SCTR: variants seen among roughly 807,000 people sequenced by gnomAD.
The protein encoded by SCTR is pancreatic secretin receptor.
A neutral mutation model predicts 60.8 loss-of-function variants in SCTR; 56 were observed. The ratio of observed to expected loss-of-function variants is 0.92; its 90% confidence interval spans 0.74 to 1.15. SCTR has a LOEUF of 1.15. Ranked by LOEUF, SCTR falls within the 50% of genes most tolerant of loss-of-function variation. The pLI, the probability that SCTR is intolerant of heterozygous loss-of-function variation, is 0.00. For synonymous variants in SCTR, 202 were observed against 217.0 expected (o/e 0.93, Z 0.61); for missense variants, 562 against 550.4 (o/e 1.02, Z -0.21).
chr2:119,461,980 C>A lies in SCTR; in HGVS notation c.657G>T (p.Met219Ile), dbSNP rs199636057. Reference sequence around the variant, plus strand: ...CCATGATGCAGTACTGGAACAGCACCATGACCAGCTTGCAGCCCGCCTGGA... The same window carrying A: ...CCATGATGCAGTACTGGAACAGCACAATGACCAGCTTGCAGCCCGCCTGGA... ...DAHRAGCKLV[M>I]VLFQYCIMAN... Residue 219 changes from methionine (M) to isoleucine (I), a missense_variant, in exon 7 of 13, where the codon ATG (methionine) becomes ATT (isoleucine). By Grantham distance (10) the Met-to-Ile change is conservative. Transcript: ENST00000019103. 2.1e-5 allele frequency: 34 copies of A among 1,606,596 alleles called. No individual in the cohort carries two copies. Among genetic ancestry groups the A allele is most frequent in the Middle Eastern group, 1.7e-4 (1 of 6,058 alleles).
chr2:119,454,181 T>C (rs940480321), intron 7 of SCTR, among the ~76,000 whole-genome samples: 1 of 152,080 alleles, frequency 6.6e-6, no homozygotes, highest in Non-Finnish European at 1.5e-5. Flanking sequence ...GCAATGCCGC[T>C]GGGGAAGTGC....
intron 2 of SCTR, among the ~76,000 whole-genome samples, chr2:119,482,827 T>C (rs1573877737): frequency 6.6e-6 from 1 of 152,250 alleles, no homozygotes. Context: ...TGACCTAGCC[T>C]GGCACCTGGA....
At chr2:119,495,836 C>T (rs757772272) in intron 1 of SCTR, among the ~76,000 whole-genome samples, 18 of 152,264 alleles carry the variant, frequency 1.2e-4, no homozygotes, top group Non-Finnish European at 2.4e-4. Flanking sequence ...CAGTCATGGC[C>T]GGCTGTTGCA....
At chr2:119,449,200 T>A (rs1233673957) in intron 9 of SCTR, among the ~76,000 whole-genome samples, 1 of 152,180 alleles carries the variant, frequency 6.6e-6, no homozygotes, top group African/African-American at 2.4e-5. Context: ...AGGGTACCCA[T>A]TGCTGGGCTC....
At chr2:119,491,819 C>T (rs1195747357) in intron 2 of SCTR, among the ~76,000 whole-genome samples, 3 of 152,172 alleles carry the variant, frequency 2.0e-5, no homozygotes, top group African/African-American at 4.8e-5. Context: ...CAATCAATTT[C>T]TAATCACTTG....
chr2:119,507,638 C>T (rs1033192188), intron 1 of SCTR, among the ~76,000 whole-genome samples: 2 of 150,606 alleles, frequency 1.3e-5, no homozygotes, highest in Non-Finnish European at 1.5e-5. Context: ...AATGAAAGTC[C>T]GCATTCCATT....
chr2:119,521,430 CA>C lies in SCTR; in HGVS notation c.72+2724del, dbSNP rs145926452. On this transcript the variant is annotated intron_variant, in intron 1 of 12. Coordinates refer to ENST00000019103, the MANE Select transcript of SCTR (RefSeq NM_002980.3). ...GATGAACAAGATGAGTCTCCATGTT[CA>C]AGTTCAAAGTGTGCATATTGGGGTT... 8.5e-3 allele frequency among the ~76,000 whole-genome samples: 1,293 copies of C among 152,194 alleles called. 21 individuals are homozygous for C. The highest frequency in any genetic ancestry group is 0.03 in the African/African-American group (1,237 of 41,496).
At chr2:119,523,451 C>T (rs953375917) in intron 1 of SCTR, among the ~76,000 whole-genome samples, 2 of 149,642 alleles carry the variant, frequency 1.3e-5, no homozygotes, top group African/African-American at 4.9e-5. Context: ...TTTCCTCCTC[C>T]AGCCCCTTGC....
intron 4 of SCTR, among the ~76,000 whole-genome samples, chr2:119,471,606 C>T (rs761809337): frequency 2.4e-4 from 37 of 152,162 alleles, no homozygotes; most frequent in Non-Finnish European, 5.0e-4. Context: ...CAACTTCCTC[C>T]CTTCTCCCTG....
At chr2:119,470,281 AAAG>A (rs1001019881) in intron 4 of SCTR, among the ~76,000 whole-genome samples, 5 of 152,220 alleles carry the variant, frequency 3.3e-5, no homozygotes, top group African/African-American at 9.6e-5. Context: ...CACAAAAAGA[AAAG>A]AAGAAAAAAA....
chr2:119,478,861 A>G lies in SCTR; in HGVS notation c.251T>C (p.Met84Thr), dbSNP rs114065933. Reference sequence around the variant, plus strand: ...GAATCTCGGGCATTCCACCTCCACCATCCGGCCCGGCACAGAAGAGGGCCA... The same window carrying G: ...GAATCTCGGGCATTCCACCTCCACCGTCCGGCCCGGCACAGAAGAGGGCCA... Reference protein sequence around the residue: ...SCWPSSVPGRMVEVECPRFLR... With the variant: ...SCWPSSVPGRTVEVECPRFLR... The change falls in exon 3 of 13, where the codon ATG becomes ACG. Residue 84 changes from methionine to threonine, a missense_variant. Met to Thr is a moderately conservative substitution (Grantham distance 81, BLOSUM62 -1). Coordinates refer to ENST00000019103, the MANE Select transcript of SCTR (RefSeq NM_002980.3). 478 of 1,614,088 alleles carry G rather than the reference A, an allele frequency of 3.0e-4. 2 individuals carry two copies. The African/African-American group carries it at 5.9e-3, about 20-fold the overall frequency.
intron 6 of SCTR, among the ~76,000 whole-genome samples, chr2:119,463,208 A>G (rs1683687794): frequency 6.6e-6 from 1 of 152,130 alleles, no homozygotes; most frequent in Non-Finnish European, 1.5e-5. Flanking sequence ...TGATAGTAAA[A>G]AACTCTATCA....
intron 1 of SCTR, among the ~76,000 whole-genome samples, chr2:119,523,034 G>A (rs888043781): frequency 6.6e-6 from 1 of 152,158 alleles, no homozygotes; most frequent in Non-Finnish European, 1.5e-5. Flanking sequence ...CAACACTCTG[G>A]TCGGCTCCGG....
intron 1 of SCTR, among the ~76,000 whole-genome samples, chr2:119,518,214 C>T (rs908836104): frequency 6.6e-6 from 1 of 152,148 alleles, no homozygotes; most frequent in Non-Finnish European, 1.5e-5. Flanking sequence ...TATGATAACA[C>T]AGCTGACTAA....
At chr2:119,516,956 G>A (rs1029116558) in intron 1 of SCTR, among the ~76,000 whole-genome samples, 15 of 152,170 alleles carry the variant, frequency 9.9e-5, no homozygotes, top group Middle Eastern at 3.4e-3. Context: ...CAAAAAGAGC[G>A]AAATTCTGTC....
At chr2:119,498,528 TG>T (rs984496196) in intron 1 of SCTR, among the ~76,000 whole-genome samples, 1 of 152,122 alleles carries the variant, frequency 6.6e-6, no homozygotes, top group African/African-American at 2.4e-5. Context: ...ATTACAACAC[TG>T]TCTGATTTTA....
At chr2:119,473,425 T>G in intron 4 of SCTR, 28 bp downstream of exon 4, 2 of 1,515,068 alleles carry the variant, frequency 1.3e-6, no homozygotes, top group Non-Finnish European at 9.2e-7. Flanking sequence ...TGTCCCCGGG[T>G]TCGTGGGGTG....
intron 1 of SCTR, among the ~76,000 whole-genome samples, chr2:119,520,457 C>T (rs537396775): frequency 1.3e-5 from 2 of 152,330 alleles, no homozygotes; most frequent in African/African-American, 4.8e-5. Flanking sequence ...CATAATCGCA[C>T]CATTGCACTC....
intron 1 of SCTR, among the ~76,000 whole-genome samples, chr2:119,503,905 A>G (rs1003937043): frequency 1.3e-5 from 2 of 152,146 alleles, no homozygotes; most frequent in Non-Finnish European, 2.9e-5. Flanking sequence ...GGGTATATGG[A>G]AACTCTTTGT....
Sources: allele counts gnomAD v4.1 joint callset (sites outside exome capture counted in the v4.1 genomes callset), GRCh38; gene constraint gnomAD v4.1.1; transcripts MANE v1.5; gene names NCBI Gene and HGNC (gene_info 2026-07-23, HGNC 2026-07-21).